The following ZNF600 variants were observed in gnomAD, a reference collection of about 807,000 sequenced individuals.
ZNF600 encodes the protein zinc finger protein KR-ZNF1.
A neutral mutation model predicts 7.3 loss-of-function variants in ZNF600; 4 were observed. The ratio of observed to expected loss-of-function variants is 0.55; its 90% confidence interval spans 0.27 to 1.25. The LOEUF (loss-of-function observed/expected upper bound fraction) is 1.25, where lower values mean the gene tolerates loss of function less well. ZNF600 is among the 50% of genes most tolerant of loss of function. The pLI is 0.12. For synonymous variants in ZNF600, 290 were observed against 308.9 expected (o/e 0.94, Z 0.64); for missense variants, 911 against 922.1 (o/e 0.99, Z 0.16).
chr19:52,792,233 A>C, the ZNF600 span, among the ~76,000 whole-genome samples: 1 of 152,212 alleles, frequency 6.6e-6, no homozygotes. Context: ...CAGAACAGGC[A>C]ATGTGGACCA....
rs184881993 is a variant in ZNF600, at chr19:52,778,113, A to G, written c.63+713T>C. Among the ~76,000 whole-genome samples the G allele has an allele frequency of 1.8e-4, 28 of 152,102 alleles. 1 individual carries two copies. The highest frequency in any genetic ancestry group is 1.8e-3 in the Admixed American group (28 of 15,274). ...ACAGTAACCTCCACGTCCTGGGTTT[A>G]AGTGATTATCCTGCCTCAGCCTCCT... On this transcript the variant is annotated intron_variant, in intron 2 of 3. Coordinates refer to ENST00000648973, the Ensembl canonical transcript of ZNF600.
the ZNF600 span, among the ~76,000 whole-genome samples, chr19:52,818,199 G>A: frequency 6.6e-6 from 1 of 152,132 alleles, no homozygotes; most frequent in African/African-American, 2.4e-5. Flanking sequence ...TCTACTCCTG[G>A]AGAAGCCCAC....
chr19:52,783,860 A>C lies in ZNF600; in HGVS notation c.-20+2735T>G, dbSNP rs540432800. On this transcript the variant is annotated intron_variant, in intron 1 of 3. Transcript: ENST00000648973. ...CGCTGAAGTCCAATGGTGCGATCTC[A>C]GCTCACCACAACCTCTGCCTCCCGG... Among the ~76,000 whole-genome samples, 14 of 151,114 alleles carry C rather than the reference A, an allele frequency of 9.3e-5. No homozygotes were observed. The South Asian group carries it at 2.9e-3, about 32-fold the overall frequency.
intron 3 of ZNF600, among the ~76,000 whole-genome samples, chr19:52,772,486 C>G (rs1176263263): frequency 6.6e-6 from 1 of 152,028 alleles, no homozygotes; most frequent in Non-Finnish European, 1.5e-5. Context: ...GCCTGTAATC[C>G]CAGCTACTTG....
At chr19:52,823,021 C>G in the ZNF600 span, among the ~76,000 whole-genome samples, 1 of 152,092 alleles carries the variant, frequency 6.6e-6, no homozygotes, top group Admixed American at 6.6e-5. Context: ...ATCACATTTT[C>G]CATTCAAGGC....
At chr19:52,810,780 C>CA in the ZNF600 span, 18 of 387,284 alleles carry the variant, frequency 4.6e-5, no homozygotes, top group South Asian at 1.8e-4. Context: ...AAAAAAAACC[C>CA]AAAAAAAACA....
chr19:52,766,029 T>A, exon 4 of ZNF600: 7 of 1,614,124 alleles, frequency 4.3e-6, no homozygotes, highest in Non-Finnish European at 5.9e-6. Context: ...CTCTCCAGTA[T>A]GAAGTCTACG....
chr19:52,827,573 A>C, the ZNF600 span, among the ~76,000 whole-genome samples: 1 of 151,550 alleles, frequency 6.6e-6, no homozygotes, highest in Non-Finnish European at 1.5e-5. Context: ...GTTATAGAAG[A>C]AGGATTTTTT....
At chr19:52,808,070 G>C in the ZNF600 span, 2 of 1,613,514 alleles carry the variant, frequency 1.2e-6, no homozygotes, top group Middle Eastern at 1.7e-4. Flanking sequence ...CTCTGAGCAG[G>C]GTCCAGGCAT....
chr19:52,787,579 C>A (rs543222728), upstream of ZNF600, among the ~76,000 whole-genome samples: 276 of 150,956 alleles, frequency 1.8e-3, 3 homozygotes, highest in African/African-American at 6.4e-3. Flanking sequence ...AAAAACAAGA[C>A]CGGGCGCGCT....
intron 3 of ZNF600, among the ~76,000 whole-genome samples, chr19:52,768,033 G>C (rs1035224331): frequency 1.1e-4 from 16 of 152,048 alleles, no homozygotes; most frequent in Admixed American, 4.6e-4. Context: ...AAGGTAAGGA[G>C]TATTTTTCCA....
At chr19:52,801,699 A>G in the ZNF600 span, 14 of 1,610,304 alleles carry the variant, frequency 8.7e-6, no homozygotes, top group African/African-American at 2.7e-5. Context: ...TTTGGAAGAG[A>G]TATCTACAAA....
the ZNF600 span, chr19:52,799,927 A>G: frequency 3.7e-6 from 6 of 1,613,822 alleles, no homozygotes; most frequent in South Asian, 3.3e-5. Flanking sequence ...GTCTTGCCAC[A>G]CTCATTACAC....
chr19:52,829,277 CATATGT>C, the ZNF600 span, among the ~76,000 whole-genome samples: 1 of 151,392 alleles, frequency 6.6e-6, no homozygotes, highest in African/African-American at 2.4e-5. Flanking sequence ...AGGTTAGTTA[CATATGT>C]ATACATGTGC....
At chr19:52,815,206 G>A in the ZNF600 span, among the ~76,000 whole-genome samples, 69 of 145,210 alleles carry the variant, frequency 4.8e-4, 4 homozygotes, top group Non-Finnish European at 9.3e-4. Flanking sequence ...GTGGGAGGAA[G>A]GAGAGGAGCA....
chr19:52,810,767 A>T, the ZNF600 span: 1 of 558,108 alleles, frequency 1.8e-6, no homozygotes, highest in African/African-American at 2.4e-5. Flanking sequence ...AAAAAAAAGA[A>T]TAAAAAAAAA....
At chr19:52,818,046 T>A in the ZNF600 span, 1 of 1,590,074 alleles carries the variant, frequency 6.3e-7, no homozygotes. Flanking sequence ...ATGTTAAAAA[T>A]ATGTTGTTTA....
intron 2 of ZNF600, among the ~76,000 whole-genome samples, chr19:52,778,067 G>T (rs1236253574): frequency 6.6e-6 from 1 of 151,986 alleles, no homozygotes; most frequent in East Asian, 1.9e-4. Context: ...AGGCTGGAGT[G>T]CAGTGGCATA....
At chr19:52,782,914 C>A (rs377299535) in intron 1 of ZNF600, among the ~76,000 whole-genome samples, 11 of 150,196 alleles carry the variant, frequency 7.3e-5, no homozygotes, top group South Asian at 2.1e-4. Context: ...ACACAAAAAA[C>A]CAACTAAACT....
Sources: allele counts gnomAD v4.1 joint callset (sites outside exome capture counted in the v4.1 genomes callset), GRCh38; gene constraint gnomAD v4.1.1; transcripts MANE v1.5; gene names NCBI Gene and HGNC (gene_info 2026-07-23, HGNC 2026-07-21).